The following FAM83G variants were observed in gnomAD, a reference collection of about 807,000 sequenced individuals.
FAM83G encodes scaffolding CK1 anchoring protein G, also known as protein FAM83G.
In FAM83G, 38 loss-of-function variants were observed where a neutral mutation model predicts 61.5. The ratio of observed to expected loss-of-function variants is 0.62; its 90% CI spans 0.48 to 0.81. The LOEUF (loss-of-function observed/expected upper bound fraction) is 0.81, where lower values mean the gene tolerates loss of function less well. FAM83G is among the 30% of genes least tolerant of loss of function. The pLI is 0.00. For synonymous variants in FAM83G, 470 were observed against 476.1 expected, an observed-to-expected ratio of 0.99 and a Z score of 0.17; for missense variants, 989 against 1,133.6, an observed-to-expected ratio of 0.87 and a Z score of 1.83.
chr17:18,991,945 G>A (rs1386100389), intron 2 of FAM83G, among the ~76,000 whole-genome samples: 1 of 152,172 alleles, frequency 6.6e-6, no homozygotes, highest in Non-Finnish European at 1.5e-5. Context: ...AGATGGCAGG[G>A]TGTGGGAGGA....
At chr17:18,982,013 G>A (rs968654592) in intron 3 of FAM83G, among the ~76,000 whole-genome samples, 27 of 152,186 alleles carry the variant, frequency 1.8e-4, no homozygotes, top group African/African-American at 5.3e-4. Flanking sequence ...CTGGAAAATC[G>A]GCCGCCAGCA....
rs140249808 is a variant in FAM83G at position 18,977,065 on chromosome 17, CAGA to C, written c.2082+516_2082+518del. On this transcript the variant is annotated intron_variant, in intron 5 of 5. Transcript: ENST00000388995. ...TGGGACCTTGTCCTGCAAACGTCAC[CAGA>C]AGAAGAGGCAAAGGATAGATGTGAA... The C allele has an allele frequency of 6.3e-6, 10 of 1,580,328 alleles. No individual in the cohort carries two copies. In the East Asian group the frequency reaches 6.7e-5, roughly 11 times the overall value.
In FAM83G at chr17:19,004,565, A is replaced by G. The variant is rs1291312461; in HGVS notation, c.-129+144T>C. On this transcript the variant is annotated intron_variant, in intron 1 of 5. Transcript: ENST00000388995. The surrounding 1 kb of genome is among the most constrained non-coding windows in gnomAD (Gnocchi z 5.4). ...TTCCGGGTAAGGGAGGGGTCTTAAA[A>G]TTTCCGGGTGCCGGCAACCCAGGAG... 6.6e-6 allele frequency: 1 copy of G among 151,604 alleles called. No homozygotes were observed. Among genetic ancestry groups the G allele is most frequent in the Non-Finnish European group, 1.5e-5 (1 of 67,898 alleles). 9.4% of individuals were successfully genotyped at this position (151,604 alleles called of 1,614,324 possible).
chr17:19,000,464 CT>C lies in FAM83G; in HGVS notation c.522+3055del, dbSNP rs1343371380. ...CACGGACTCTTGGCTCCTGGTCCTG[CT>C]GTCCACTAGTTCCATTCTAGTCATT... On this transcript the variant is annotated intron_variant, in intron 2 of 5. Transcript: ENST00000388995. The surrounding 1 kb of genome is among the most constrained non-coding windows in gnomAD (Gnocchi z 5.2). Among the ~76,000 whole-genome samples, 1 of 152,208 alleles carries C rather than the reference CT, an allele frequency of 6.6e-6. No homozygotes were observed. The highest frequency in any genetic ancestry group is 1.5e-5 in the Non-Finnish European group (1 of 68,020).
Position 18,971,895 on chromosome 17 carries a change from G to A in FAM83G, c.2083-147C>T. ...ACCAGGGAGTGGGCCTAGACCAGTTGGTTTAGTCACTCGATGCCTCAGTTC... is the reference window on the plus strand; with the variant it reads ...ACCAGGGAGTGGGCCTAGACCAGTTAGTTTAGTCACTCGATGCCTCAGTTC... On this transcript the variant is annotated intron_variant, in intron 5 of 5. Coordinates refer to ENST00000388995, the MANE Select transcript of FAM83G (RefSeq NM_001039999.3). The surrounding 1 kb of genome is among the most constrained non-coding windows in gnomAD (Gnocchi z 5.5). 1 of 792,312 alleles carries A rather than the reference G, an allele frequency of 1.3e-6. No individual in the cohort carries two copies. The allele number at this position is 792,312 out of a possible 1,614,324, so 49.1% of individuals were successfully genotyped here.
In FAM83G at chr17:18,977,610, G is replaced by A; in HGVS notation, c.2056C>T (p.Gln686Ter). 1 of 1,609,298 alleles carries A rather than the reference G, an allele frequency of 6.2e-7. No homozygotes were observed. The highest frequency in any genetic ancestry group is 8.5e-7 in the Non-Finnish European group (1 of 1,179,924). ...TGTGCCTCCTTGTCTGTGGAGCGCT[G>A]GGCCTGCATCCTCTTCAACGCATCT... ...EADALKRMQA[Q>*]RSTDKEAQGQ... Residue 686 changes from glutamine (Q) to a stop codon, truncating the protein, a stop_gained, in exon 5 of 6, where the codon CAG becomes TAG. Transcript: ENST00000388995. LOFTEE classifies it high-confidence loss of function.
chr17:19,005,680 T>C (rs768572294), upstream of FAM83G, among the ~76,000 whole-genome samples: 1 of 149,548 alleles, frequency 6.7e-6, no homozygotes. Flanking sequence ...CCACCATTCA[T>C]GGCCCATCAG....
At position 18,985,050 on chromosome 17, in the gene FAM83G, A is replaced by C. The variant is rs1030169135; in HGVS notation, c.690+3197T>G. ...CGAGAGTGTGTTGGTGTGGGCTCCA[A>C]GCTCAGGAGGAAGGAGCCGAGTGAG... On this transcript the variant is annotated intron_variant, in intron 3 of 5. Transcript: ENST00000388995. Among the ~76,000 whole-genome samples, 13 of 152,332 alleles carry C rather than the reference A, an allele frequency of 8.5e-5. No homozygotes were observed. The East Asian group carries it at 2.5e-3, about 29-fold the overall frequency.
chr17:18,979,764 G>A (rs2043082551), intron 3 of FAM83G, 91 bp from the exon 4 acceptor site: 6 of 1,445,162 alleles, frequency 4.2e-6, no homozygotes, highest in Non-Finnish European at 5.8e-6. Flanking sequence ...GGCTCAGAGG[G>A]GACTCTGGAG....
rs200817890 is a variant in FAM83G, at chr17:18,978,533, C to T, written c.1133G>A (p.Gly378Asp). ...QEAKKPLGLK[G>D]PALAEHPGEL... ...CCCTGGATGCTCAGCCAGCGCTGGG[C>T]CTTTCAGCCCCAGGGGCTTCTTGGC... is the stretch of plus-strand genomic sequence containing the variant. The change falls in exon 5 of 6, where the codon GGC becomes GAC. Residue 378 changes from glycine (G) to aspartate (D), a missense_variant. Coordinates refer to ENST00000388995, the MANE Select transcript of FAM83G (RefSeq NM_001039999.3). 654 of 1,613,364 alleles carry T rather than the reference C, an allele frequency of 4.1e-4. No homozygotes were observed. The highest frequency in any genetic ancestry group is 5.3e-4 in the Non-Finnish European group (627 of 1,179,986).
At chr17:18,979,345 G>T in intron 4 of FAM83G, 1 of 673,872 alleles carries the variant, frequency 1.5e-6, no homozygotes, top group Non-Finnish European at 2.4e-6. Flanking sequence ...ACATCTCCAA[G>T]CTGGAACAAC....
chr17:19,005,462 C>G (rs532806246), upstream of FAM83G, among the ~76,000 whole-genome samples: 3 of 152,250 alleles, frequency 2.0e-5, no homozygotes, highest in East Asian at 5.8e-4. Context: ...GACAGCAAAG[C>G]CCATTAAATC....
At chr17:18,974,560 C>T (rs2042933454) in intron 5 of FAM83G, among the ~76,000 whole-genome samples, 1 of 152,202 alleles carries the variant, frequency 6.6e-6, no homozygotes, top group Non-Finnish European at 1.5e-5. Context: ...AGGCCGGGTG[C>T]CCTCCCTTAG....
In FAM83G at chr17:19,004,161, A is replaced by G. The variant is rs1408236671; in HGVS notation, c.-120T>C. 6 of 857,874 alleles carry G rather than the reference A, an allele frequency of 7.0e-6. 1 individual carries two copies. Among genetic ancestry groups the G allele is most frequent in the South Asian group, 5.2e-5 (3 of 57,302 alleles). The allele number at this position is 857,874 out of a possible 1,614,324, so 53.1% of individuals were successfully genotyped here. On this transcript the variant is annotated 5_prime_UTR_variant, in exon 2 of 6. An upstream start codon of the reference 5' UTR is lost. Transcript: ENST00000388995. The surrounding 1 kb of genome is among the most constrained non-coding windows in gnomAD (Gnocchi z 5.4). ...CTCCGCGGCCTCTGCTTCTCTGCCC[A>G]TGAGCAATCTGCGGGAAAGACCTGA...
chr17:18,978,517 CTCAGCCAGCGCTGGGCCTT>C lies in FAM83G; in HGVS notation c.1130_1148del (p.Lys377SerfsTer62), dbSNP rs768630266. 3.7e-6 allele frequency: 6 copies of C among 1,613,338 alleles called. No individual in the cohort carries two copies. The highest frequency in any genetic ancestry group is 5.1e-6 in the Non-Finnish European group (6 of 1,179,972). On this transcript the variant is annotated frameshift_variant, in exon 5 of 6. Transcript: ENST00000388995. LOFTEE classifies it high-confidence loss of function. ...GCAGCTCGGGGAGTTCCCCTGGATG[CTCAGCCAGCGCTGGGCCTT>C]TCAGCCCCAGGGGCTTCTTGGCCTC...
chr17:18,999,008 G>A (rs1347050903), intron 2 of FAM83G, among the ~76,000 whole-genome samples: 3 of 152,210 alleles, frequency 2.0e-5, no homozygotes, highest in South Asian at 2.1e-4. Context: ...TGCCAGGCAC[G>A]GTGGCTCATG....
rs776102223 is a variant in FAM83G, at chr17:18,971,045, G to A, written c.*314C>T. 2.5e-5 allele frequency: 41 copies of A among 1,613,826 alleles called. No individual in the cohort carries two copies. Among genetic ancestry groups the A allele is most frequent in the Non-Finnish European group, 3.4e-5 (40 of 1,180,032 alleles). On this transcript the variant is annotated 3_prime_UTR_variant, in exon 6 of 6. Transcript: ENST00000388995. This position sits in a 1 kb window ranked among gnomAD's most constrained non-coding sequence, Gnocchi z 5.5. Reference sequence around the variant, plus strand: ...CCAGATCGGTGGTTACGGGCAGCTGGAGGCAGCCTACGCCCAGGCCATTCC... The same window carrying A: ...CCAGATCGGTGGTTACGGGCAGCTGAAGGCAGCCTACGCCCAGGCCATTCC...
At chr17:18,995,457 A>G (rs752466883) in intron 2 of FAM83G, among the ~76,000 whole-genome samples, 17 of 152,392 alleles carry the variant, frequency 1.1e-4, no homozygotes, top group South Asian at 4.1e-4. Flanking sequence ...CTGAAAGAAC[A>G]TGAACACAGC....
intron 2 of FAM83G, among the ~76,000 whole-genome samples, chr17:19,002,298 C>A (rs774956293): frequency 1.1e-4 from 16 of 152,122 alleles, no homozygotes; most frequent in Non-Finnish European, 2.2e-4. Context: ...AGGGGCCAGG[C>A]GCCCCCACCC....
Sources: gnomAD v4.1 joint callset for allele counts (sites outside exome capture counted in the v4.1 genomes callset) on GRCh38, gnomAD v4.1.1 for gene constraint, Gnocchi (gnomAD v3.1) non-coding constraint, MANE v1.5 for transcripts, NCBI Gene and HGNC (gene_info 2026-07-23, HGNC 2026-07-21) for gene names.